The following GRAMD2B variants were observed in gnomAD, a reference collection of about 807,000 sequenced individuals.
GRAMD2B encodes the protein GRAM domain-containing protein 2B.
In GRAMD2B, 41 loss-of-function variants were observed where a neutral mutation model predicts 59.2. That is an observed-to-expected ratio of 0.69 (90% CI 0.54 to 0.90). GRAMD2B has a LOEUF of 0.90. Among genes scored for constraint, GRAMD2B ranks in the 40% least tolerant of loss-of-function variants. The probability of loss-of-function intolerance (pLI) is 0.00; values close to 1 mark genes in which losing one functional copy is unlikely to be tolerated. For synonymous variants in GRAMD2B, 161 were observed against 182.7 expected (o/e 0.88, Z 0.96); for missense variants, 424 against 500.5 (o/e 0.85, Z 1.46).
At position 126,481,203 on chromosome 5, in the gene GRAMD2B, A is replaced by AAAG. The variant is rs1266628292; in HGVS notation, c.735+498_735+499insGAA. ...TCAGAATTAACTGTAAAAAAAAAAA[A>AAAG]AAAGAAAGAAAGAAAGAAAGAAAGA... On this transcript the variant is annotated intron_variant, in intron 8 of 13. Transcript: ENST00000285689. 2.6e-4 allele frequency among the ~76,000 whole-genome samples: 21 copies of AAAG among 80,108 alleles called. 1 individual carries two copies. The highest frequency in any genetic ancestry group is 1.3e-3 in the African/African-American group (21 of 16,338). 52.6% of individuals were successfully genotyped at this position (80,108 alleles called of 152,430 possible). A position where few individuals can be genotyped will look rare whatever the true frequency, so the allele number is the denominator to read the frequency against.
chr5:126,381,287 T>C (rs751318826), intron 1 of GRAMD2B, among the ~76,000 whole-genome samples: 2 of 152,182 alleles, frequency 1.3e-5, no homozygotes, highest in Non-Finnish European at 2.9e-5. Context: ...TGATATACTA[T>C]TGGATTCAGT....
intron 1 of GRAMD2B, among the ~76,000 whole-genome samples, chr5:126,388,770 C>T (rs971094317): frequency 6.6e-6 from 1 of 150,924 alleles, no homozygotes; most frequent in African/African-American, 2.4e-5. Flanking sequence ...AGAAAAAAAA[C>T]CTATTGAATC....
chr5:126,399,447 T>C (rs1757640037), intron 1 of GRAMD2B, among the ~76,000 whole-genome samples: 1 of 152,240 alleles, frequency 6.6e-6, no homozygotes, highest in Middle Eastern at 3.4e-3. Context: ...GCTGTTCTTG[T>C]AATAGTGTGT....
At chr5:126,391,333 A>AAAAAAAAAAAAAAAAAC (rs1207833981) in intron 1 of GRAMD2B, among the ~76,000 whole-genome samples, 6 of 149,968 alleles carry the variant, frequency 4.0e-5, no homozygotes, top group Non-Finnish European at 7.4e-5. Flanking sequence ...AAAAAAAAAA[A>AAAAAAAAAAAAAAAAAC]AAAAAAACTT....
chr5:126,469,626 C>T, intron 2 of GRAMD2B, 51 bp from the exon 3 acceptor site: 1 of 1,291,756 alleles, frequency 7.7e-7, no homozygotes, highest in Non-Finnish European at 1.1e-6. Flanking sequence ...CAGAGCAAAA[C>T]TGTCTCAAAA....
At chr5:126,467,422 A>G (rs1429395664) in intron 2 of GRAMD2B, 3 of 152,146 alleles carry the variant, frequency 2.0e-5, no homozygotes, top group Non-Finnish European at 4.4e-5. Flanking sequence ...AAAGAAATCC[A>G]TATTGTATAC....
chr5:126,481,153 C>T (rs1349555129), intron 8 of GRAMD2B, among the ~76,000 whole-genome samples: 3 of 125,068 alleles, frequency 2.4e-5, no homozygotes, highest in African/African-American at 9.2e-5. Flanking sequence ...AGAGACTTCA[C>T]AACTTAGAAG....
At chr5:126,388,392 T>G (rs1756377418) in intron 1 of GRAMD2B, among the ~76,000 whole-genome samples, 2 of 151,976 alleles carry the variant, frequency 1.3e-5, no homozygotes, top group East Asian at 3.9e-4. Context: ...ACAAACAAAT[T>G]AATTAATTAA....
In GRAMD2B at chr5:126,403,607, GA is replaced by G. The variant is rs911056195; in HGVS notation, c.125+32046del. On this transcript the variant is annotated intron_variant, in intron 1 of 8. Transcript: ENST00000506445. Reference sequence around the variant, plus strand: ...CTCTAGGGGAAAAAAGAGCAGGGGGGAAAAAATTTTAACAGTTTAAAATAAA... The same window carrying G: ...CTCTAGGGGAAAAAAGAGCAGGGGGGAAAAATTTTAACAGTTTAAAATAAA... 1.4e-3 allele frequency among the ~76,000 whole-genome samples: 208 copies of G among 151,884 alleles called. 1 individual carries two copies. Among genetic ancestry groups the G allele is most frequent in the African/African-American group, 4.1e-3 (172 of 41,454 alleles).
intron 1 of GRAMD2B, among the ~76,000 whole-genome samples, chr5:126,408,715 T>A (rs551542488): frequency 6.6e-6 from 1 of 150,666 alleles, no homozygotes; most frequent in South Asian, 2.1e-4. Flanking sequence ...ATACTTTAAG[T>A]TTTAGGGTAC....
Position 126,493,042 on chromosome 5 carries a change from TGCTGG to T in GRAMD2B, c.*87_*91del. 1.0e-6 allele frequency: 1 copy of T among 994,736 alleles called. No individual in the cohort carries two copies. Among genetic ancestry groups the T allele is most frequent in the South Asian group, 1.3e-5 (1 of 75,302 alleles). The allele number at this position is 994,736 out of a possible 1,614,324, so 61.6% of individuals were successfully genotyped here. ...TGAGGCGTTTTGTTTGAGTGCACCC[TGCTGG>T]TCAGAGGTGCAAGCAGATGAGAATC... On this transcript the variant is annotated 3_prime_UTR_variant, in exon 14 of 14. Coordinates refer to ENST00000285689, the MANE Select transcript of GRAMD2B (RefSeq NM_023927.4).
chr5:126,390,094 T>A (rs1756595989), intron 1 of GRAMD2B, among the ~76,000 whole-genome samples: 1 of 152,248 alleles, frequency 6.6e-6, no homozygotes, highest in Admixed American at 6.5e-5. Flanking sequence ...GTCTTTATAG[T>A]ACATATAAAT....
intron 1 of GRAMD2B, among the ~76,000 whole-genome samples, chr5:126,391,107 C>CA (rs1414687622): frequency 4.0e-5 from 6 of 151,486 alleles, no homozygotes; most frequent in South Asian, 4.2e-4. Flanking sequence ...GCATGAGTGA[C>CA]AAAAAAATGA....
At chr5:126,376,955 G>A (rs1324275314) in intron 1 of GRAMD2B, among the ~76,000 whole-genome samples, 5 of 151,762 alleles carry the variant, frequency 3.3e-5, no homozygotes, top group Non-Finnish European at 7.4e-5. Context: ...GTTAAAATGA[G>A]GAGGTTGTCA....
chr5:126,440,624 G>T (rs927765301), intron 1 of GRAMD2B, among the ~76,000 whole-genome samples: 5 of 151,928 alleles, frequency 3.3e-5, no homozygotes, highest in African/African-American at 1.2e-4. Flanking sequence ...CAGAAAAAAA[G>T]AAACCATAAA....
chr5:126,453,100 C>G (rs1765656242), intron 1 of GRAMD2B, among the ~76,000 whole-genome samples: 2 of 152,120 alleles, frequency 1.3e-5, no homozygotes, highest in South Asian at 4.1e-4. Flanking sequence ...GATATGAGGC[C>G]AAGGTGGGCA....
chr5:126,443,949 G>C (rs1561530375), intron 1 of GRAMD2B, among the ~76,000 whole-genome samples: 5 of 152,110 alleles, frequency 3.3e-5, no homozygotes, highest in Admixed American at 3.3e-4. Flanking sequence ...CTACTAGGGA[G>C]GCTGAGGCAG....
chr5:126,394,278 A>G (rs964521137), intron 1 of GRAMD2B, among the ~76,000 whole-genome samples: 9 of 151,850 alleles, frequency 5.9e-5, no homozygotes, highest in South Asian at 4.1e-4. Flanking sequence ...CTGTCTCAAA[A>G]AAAAAAAAAA....
intron 1 of GRAMD2B, among the ~76,000 whole-genome samples, chr5:126,416,385 T>C (rs560498500): frequency 6.6e-6 from 1 of 152,338 alleles, no homozygotes; most frequent in South Asian, 2.1e-4. Context: ...CATTAGAACA[T>C]CTCAGGTCAG....
Sources: allele counts gnomAD v4.1 joint callset (sites outside exome capture counted in the v4.1 genomes callset), GRCh38; gene constraint gnomAD v4.1.1; transcripts MANE v1.5; gene names NCBI Gene and HGNC (gene_info 2026-07-23, HGNC 2026-07-21).